The following NRXN3 variants were observed in gnomAD, a reference collection of about 807,000 sequenced individuals.
NRXN3 encodes the protein neurexin 3, also known as neurexin III.
In NRXN3, 32 loss-of-function variants were observed where a neutral mutation model predicts 137.6. That is an observed-to-expected ratio of 0.23 (90% confidence interval 0.18 to 0.31). The LOEUF is 0.31. Ranked by LOEUF, NRXN3 falls within the 10% of genes least tolerant of loss-of-function variation. The probability of loss-of-function intolerance (pLI) is 1.00; values close to 1 mark genes in which losing one functional copy is unlikely to be tolerated. For missense variants in NRXN3, 1,574 were observed against 2,062.5 expected, an observed-to-expected ratio of 0.76 and a Z score of 4.59; for synonymous variants, 798 against 784.5, an observed-to-expected ratio of 1.02 and a Z score of -0.29.
intron 10 of NRXN3, among the ~76,000 whole-genome samples, chr14:78,895,907 G>A (rs2099172732): frequency 6.6e-6 from 1 of 151,804 alleles, no homozygotes; most frequent in Non-Finnish European, 1.5e-5. Flanking sequence ...ATCTTATATG[G>A]ACATGATTTG....
In NRXN3 at chr14:79,488,468, A is replaced by G. The variant is rs1455469886; in HGVS notation, c.3444+21066A>G. Among the ~76,000 whole-genome samples the G allele has an allele frequency of 2.6e-5, 4 of 152,210 alleles. No individual in the cohort carries two copies. In the East Asian group the frequency reaches 7.7e-4, roughly 29 times the overall value. On this transcript the variant is annotated intron_variant, in intron 16 of 20. Transcript: ENST00000335750. ...AGGAAATATAAGAATATTTTGAAGCAAAAGAAGGAGCCAGTACAAAGGCAG... is the reference window on the plus strand; with the variant it reads ...AGGAAATATAAGAATATTTTGAAGCGAAAGAAGGAGCCAGTACAAAGGCAG...
intron 15 of NRXN3, among the ~76,000 whole-genome samples, chr14:79,331,042 C>T (rs1349032776): frequency 6.6e-6 from 1 of 152,150 alleles, no homozygotes; most frequent in Non-Finnish European, 1.5e-5. Flanking sequence ...CAATTTTACC[C>T]TAGCTGGCTG....
chr14:78,483,998 AC>A (rs2095516120), intron 4 of NRXN3, among the ~76,000 whole-genome samples: 1 of 133,106 alleles, frequency 7.5e-6, no homozygotes, highest in Non-Finnish European at 1.6e-5. Flanking sequence ...ACACACACAC[AC>A]ACACACACAC....
chr14:78,626,752 G>C (rs778705626), intron 4 of NRXN3, among the ~76,000 whole-genome samples: 1 of 152,218 alleles, frequency 6.6e-6, no homozygotes, highest in Non-Finnish European at 1.5e-5. Flanking sequence ...TAGGAGGCCA[G>C]GTGGTTGGCT....
chr14:79,491,659 G>A (rs1303872545), intron 16 of NRXN3, among the ~76,000 whole-genome samples: 1 of 151,782 alleles, frequency 6.6e-6, no homozygotes, highest in Non-Finnish European at 1.5e-5. Context: ...AAAAAAGTGT[G>A]TGTGTGTGTG....
intron 4 of NRXN3, among the ~76,000 whole-genome samples, chr14:78,385,440 A>C (rs1264492708): frequency 6.6e-6 from 1 of 152,204 alleles, no homozygotes; most frequent in Non-Finnish European, 1.5e-5. Context: ...CAAAAAATTG[A>C]AATTAATTGT....
chr14:79,263,290 C>T (rs945507395), intron 15 of NRXN3, among the ~76,000 whole-genome samples: 1 of 152,136 alleles, frequency 6.6e-6, no homozygotes, highest in Non-Finnish European at 1.5e-5. Context: ...TAAAAGATTA[C>T]CAATCTTACC....
chr14:78,573,032 T>C (rs1402904993), intron 4 of NRXN3, among the ~76,000 whole-genome samples: 1 of 152,154 alleles, frequency 6.6e-6, no homozygotes, highest in Non-Finnish European at 1.5e-5. Context: ...TGATAGTGAG[T>C]GAGTTCTCAC....
At chr14:78,593,341 C>A (rs1420263322) in intron 4 of NRXN3, among the ~76,000 whole-genome samples, 1 of 152,188 alleles carries the variant, frequency 6.6e-6, no homozygotes, top group Admixed American at 6.5e-5. Flanking sequence ...CTGAAAGCGT[C>A]CCTCTAGAAT....
intron 16 of NRXN3, among the ~76,000 whole-genome samples, chr14:79,505,666 G>A (rs975655088): frequency 6.6e-6 from 1 of 152,126 alleles, no homozygotes; most frequent in African/African-American, 2.4e-5. Flanking sequence ...TTTTAGTTTG[G>A]ACATGGTCTT....
chr14:78,775,883 C>T (rs959209784), intron 8 of NRXN3, among the ~76,000 whole-genome samples: 1 of 152,190 alleles, frequency 6.6e-6, no homozygotes, highest in Non-Finnish European at 1.5e-5. Context: ...CAGAAATAAA[C>T]AACTTATAAG....
At chr14:79,149,169 A>G (rs965681780) in intron 15 of NRXN3, among the ~76,000 whole-genome samples, 5 of 152,110 alleles carry the variant, frequency 3.3e-5, no homozygotes, top group Non-Finnish European at 7.4e-5. Context: ...AACTGGTAGG[A>G]AACTCTGTAA....
chr14:78,200,116 G>A (rs867328296), intron 1 of NRXN3, among the ~76,000 whole-genome samples: 1 of 152,228 alleles, frequency 6.6e-6, no homozygotes, highest in Non-Finnish European at 1.5e-5. Context: ...TACTGTCAGA[G>A]TAGTGGTTGG....
rs563132394 is a variant in NRXN3, at chr14:78,522,469, T to G, written c.758-122651T>G. 5.9e-3 allele frequency among the ~76,000 whole-genome samples: 905 copies of G among 152,342 alleles called. 28 individuals are homozygous for G. Among genetic ancestry groups the G allele is most frequent in the Non-Finnish European group, 2.2e-3 (151 of 68,028 alleles). ...GATTTCTGTTAGTCTTTTCTATGAA[T>G]CTGTTATCGGAAATAGTTGACTACA... On this transcript the variant is annotated intron_variant, in intron 4 of 20. Transcript: ENST00000335750.
chr14:78,681,866 T>G (rs1401304856), intron 6 of NRXN3, among the ~76,000 whole-genome samples: 1 of 152,120 alleles, frequency 6.6e-6, no homozygotes, highest in Non-Finnish European at 1.5e-5. Flanking sequence ...TTTTGTTTTT[T>G]TTGTTGTTGT....
chr14:79,466,360 G>T (rs1353324437), intron 15 of NRXN3, among the ~76,000 whole-genome samples: 1 of 152,188 alleles, frequency 6.6e-6, no homozygotes, highest in African/African-American at 2.4e-5. Context: ...GGCCAAGGCA[G>T]TCAGATCACA....
At chr14:79,037,903 A>G (rs1437163749) in intron 15 of NRXN3, among the ~76,000 whole-genome samples, 3 of 152,134 alleles carry the variant, frequency 2.0e-5, no homozygotes, top group African/African-American at 7.2e-5. Context: ...GGCCAGGGAC[A>G]AATGTCTCTG....
intron 15 of NRXN3, among the ~76,000 whole-genome samples, chr14:79,227,795 T>TCCC (rs1568684957): frequency 3.3e-5 from 1 of 30,646 alleles, no homozygotes; most frequent in Admixed American, 4.7e-4. Context: ...CCCTCCTCCC[T>TCCC]TCCTCCCTTC....
intron 1 of NRXN3, among the ~76,000 whole-genome samples, chr14:78,186,069 A>C: frequency 6.6e-6 from 1 of 152,210 alleles, no homozygotes; most frequent in Non-Finnish European, 1.5e-5. Context: ...TGCCTGGCTG[A>C]CACTGGCTCT....
Sources: gnomAD v4.1 joint callset for allele counts (sites outside exome capture counted in the v4.1 genomes callset) on GRCh38, gnomAD v4.1.1 for gene constraint, MANE v1.5 for transcripts, NCBI Gene and HGNC (gene_info 2026-07-23, HGNC 2026-07-21) for gene names.